Variants in ARNT2 observed in about 807,000 individuals in gnomAD.
The protein encoded by ARNT2 is ARNT protein 2.
ARNT2 carries 36 observed loss-of-function variants against 91.7 expected under a neutral mutation model. The observed-to-expected ratio is 0.39, with a 90% CI of 0.30 to 0.52. The LOEUF (loss-of-function observed/expected upper bound fraction) is 0.52, where lower values mean the gene tolerates loss of function less well. ARNT2 is among the 20% of genes least tolerant of loss of function. ARNT2 has a pLI of 0.72. For missense variants in ARNT2, 775 were observed against 939.3 expected (o/e 0.83, Z 2.29); for synonymous variants, 365 against 347.1 (o/e 1.05, Z -0.57).
intron 1 of ARNT2, among the ~76,000 whole-genome samples, chr15:80,435,369 T>C (rs1235023824): frequency 6.6e-6 from 1 of 152,088 alleles, no homozygotes; most frequent in East Asian, 1.9e-4. Flanking sequence ...CATAGTAACT[T>C]CCTCCTGAGA....
Position 80,513,950 on chromosome 15 carries a change from A to G in ARNT2, c.765A>G (p.Arg255=), listed in dbSNP as rs201083748. 509 of 1,613,736 alleles carry G rather than the reference A, an allele frequency of 3.2e-4. No homozygotes were observed. Among genetic ancestry groups the G allele is most frequent in the Non-Finnish European group, 4.1e-4 (478 of 1,179,680 alleles). Residue 255 remains arginine (R), a synonymous_variant, in exon 7 of 19, where the codon AGA becomes AGG. Transcript: ENST00000303329. The part of the protein sequence containing the change: ...NAPLDHLPLN[R]ITTMRKRFRN... ...CTTTGGACCACCTTCCTCTAAACAGAATAACCACCATGAGGAAAAGGTTCA... is the reference window on the plus strand; with the variant it reads ...CTTTGGACCACCTTCCTCTAAACAGGATAACCACCATGAGGAAAAGGTTCA...
At chr15:80,426,582 T>C (rs1895935113) in intron 1 of ARNT2, among the ~76,000 whole-genome samples, 1 of 152,132 alleles carries the variant, frequency 6.6e-6, no homozygotes, top group African/African-American at 2.4e-5. Flanking sequence ...TGCAAGGCCG[T>C]GATTGTTTGT....
intron 17 of ARNT2, among the ~76,000 whole-genome samples, chr15:80,583,121 G>C (rs904553285): frequency 2.0e-5 from 3 of 152,240 alleles, no homozygotes; most frequent in Non-Finnish European, 4.4e-5. Context: ...ACTGGGTCAG[G>C]GGAGACAGAC....
chr15:80,404,524 C>A lies in ARNT2; in HGVS notation c.9C>A (p.Thr3=), dbSNP rs1354283912. ...TATCCTCTCCGAGCAAGATGGCAAC[C>A]CCGGCGGCGGTCAACCCTCCGGGTG... MA[T]PAAVNPPEMA... Residue 3 remains threonine, a synonymous_variant, in exon 1 of 19, where the codon ACC becomes ACA. Coordinates refer to ENST00000303329, the MANE Select transcript of ARNT2 (RefSeq NM_014862.4). This position sits in a 1 kb window ranked among gnomAD's most constrained non-coding sequence, Gnocchi z 5.5. 8 of 1,224,108 alleles carry A rather than the reference C, an allele frequency of 6.5e-6. No homozygotes were observed. The highest frequency in any genetic ancestry group is 3.1e-5 in the Admixed American group (1 of 32,714). The allele number at this position is 1,224,108 out of a possible 1,614,324, so 75.8% of individuals were successfully genotyped here.
chr15:80,466,187 C>T (rs1057422896), intron 3 of ARNT2, among the ~76,000 whole-genome samples: 1 of 152,218 alleles, frequency 6.6e-6, no homozygotes, highest in African/African-American at 2.4e-5. Context: ...TAAAATTCTC[C>T]TTTCGTATTC....
At chr15:80,421,011 T>C (rs1895852943) in intron 1 of ARNT2, among the ~76,000 whole-genome samples, 1 of 152,172 alleles carries the variant, frequency 6.6e-6, no homozygotes, top group African/African-American at 2.4e-5. Context: ...CCTAAGTACC[T>C]GTCAACTGAT....
Position 80,557,878 on chromosome 15 carries a change from A to G in ARNT2, c.1164+2739A>G, listed in dbSNP as rs113101363. ...CTCTACTCCAAGCCATTCGGAAGAC[A>G]TAAATTAGGTTTTGCCACGTCTTTA... On this transcript the variant is annotated intron_variant, in intron 11 of 18. Transcript: ENST00000303329. 7.3e-4 allele frequency among the ~76,000 whole-genome samples: 111 copies of G among 152,288 alleles called. 1 individual carries two copies. The highest frequency in any genetic ancestry group is 2.4e-3 in the African/African-American group (99 of 41,534).
intron 1 of ARNT2, among the ~76,000 whole-genome samples, chr15:80,408,993 A>G (rs565469179): frequency 6.6e-6 from 1 of 152,216 alleles, no homozygotes; most frequent in Admixed American, 6.5e-5. Flanking sequence ...CCCTGCCCCC[A>G]CACATGCACA....
chr15:80,524,627 A>G (rs1384361396), intron 8 of ARNT2, among the ~76,000 whole-genome samples: 1 of 152,212 alleles, frequency 6.6e-6, no homozygotes, highest in Non-Finnish European at 1.5e-5. Flanking sequence ...CTGTAATCCT[A>G]GCACTTTGGG....
chr15:80,475,741 T>G (rs1896792968), intron 5 of ARNT2, among the ~76,000 whole-genome samples: 1 of 152,184 alleles, frequency 6.6e-6, no homozygotes, highest in South Asian at 2.1e-4. Context: ...CTGCAATTAG[T>G]ATACATTACC....
At chr15:80,446,135 A>G (rs970353475) in intron 1 of ARNT2, among the ~76,000 whole-genome samples, 6 of 152,136 alleles carry the variant, frequency 3.9e-5, no homozygotes, top group Admixed American at 6.5e-5. Context: ...CATTTTGCAG[A>G]TAGAAAACCA....
intron 17 of ARNT2, among the ~76,000 whole-genome samples, chr15:80,584,704 G>T (rs1034851752): frequency 6.6e-6 from 1 of 152,246 alleles, no homozygotes; most frequent in African/African-American, 2.4e-5. Context: ...GCTTCCCAGT[G>T]CCCTCTGTGC....
chr15:80,580,579 G>A lies in ARNT2; in HGVS notation c.1752+30G>A, dbSNP rs753908560. On this transcript the variant is annotated intron_variant, in intron 16 of 18. Coordinates refer to ENST00000303329, the MANE Select transcript of ARNT2 (RefSeq NM_014862.4). The stretch of plus-strand genomic sequence containing the variant: ...GGGCATCTGTGAGGGCATCTCCCCT[G>A]GGTGACCAGAGAGGCAGAGCACTCT... 2 of 1,613,094 alleles carry A rather than the reference G, an allele frequency of 1.2e-6. No individual in the cohort carries two copies. The highest frequency in any genetic ancestry group is 1.7e-6 in the Non-Finnish European group (2 of 1,179,920).
intron 8 of ARNT2, among the ~76,000 whole-genome samples, chr15:80,526,085 G>A (rs1287433264): frequency 6.6e-6 from 1 of 152,186 alleles, no homozygotes; most frequent in Non-Finnish European, 1.5e-5. Flanking sequence ...TCTCCTCCCT[G>A]CCGACTCCCT....
chr15:80,503,059 C>T (rs925008651), intron 5 of ARNT2, among the ~76,000 whole-genome samples: 3 of 152,126 alleles, frequency 2.0e-5, no homozygotes, highest in Middle Eastern at 3.2e-3. Flanking sequence ...GGAGTCAGCC[C>T]GAGGAATCCA....
intron 5 of ARNT2, among the ~76,000 whole-genome samples, chr15:80,499,261 G>A (rs113252284): frequency 0.011 from 1,603 of 152,148 alleles, 30 homozygotes; most frequent in African/African-American, 0.037. Context: ...CCTTCTCCCC[G>A]CTGCATCTTG....
chr15:80,461,341 A>G (rs1201649645), intron 3 of ARNT2, among the ~76,000 whole-genome samples: 10 of 152,196 alleles, frequency 6.6e-5, no homozygotes, highest in African/African-American at 1.2e-4. Flanking sequence ...TAAGGTCTCA[A>G]TGAGAGGGTG....
chr15:80,498,461 G>A (rs1213332766), intron 5 of ARNT2, among the ~76,000 whole-genome samples: 1 of 152,200 alleles, frequency 6.6e-6, no homozygotes, highest in East Asian at 1.9e-4. Flanking sequence ...CCACGCACTA[G>A]GAGAGTGAAA....
Position 80,595,828 on chromosome 15 carries a change from C to T in ARNT2, c.*2130C>T, listed in dbSNP as rs1893366510. Reference sequence around the variant, plus strand: ...TTCTCTGCCTGCCCTGCCCTTGGGGCCACCTCTGCCTCCAGCAGGCTTGAG... The same window carrying T: ...TTCTCTGCCTGCCCTGCCCTTGGGGTCACCTCTGCCTCCAGCAGGCTTGAG... On this transcript the variant is annotated 3_prime_UTR_variant, in exon 19 of 19. Transcript: ENST00000303329. The T allele has an allele frequency of 6.6e-6, 1 of 151,160 alleles. No homozygotes were observed. Among genetic ancestry groups the T allele is most frequent in the Admixed American group, 6.6e-5 (1 of 15,258 alleles). The allele number at this position is 151,160 out of a possible 1,614,324, so 9.4% of individuals were successfully genotyped here.
Sources: gnomAD v4.1 joint callset for allele counts (sites outside exome capture counted in the v4.1 genomes callset) on GRCh38, gnomAD v4.1.1 for gene constraint, Gnocchi (gnomAD v3.1) non-coding constraint, MANE v1.5 for transcripts, NCBI Gene and HGNC (gene_info 2026-07-23, HGNC 2026-07-21) for gene names.